NTAQ1: variants seen among roughly 807,000 people sequenced by gnomAD.
The protein encoded by NTAQ1 is protein N-terminal glutamine amidohydrolase.
Under a neutral mutation model 28.2 loss-of-function variants are expected in NTAQ1, and 21 were observed. The observed-to-expected ratio is 0.74, with a 90% CI of 0.53 to 1.07. NTAQ1 has a LOEUF of 1.07. NTAQ1 is among the 50% of genes least tolerant of loss of function. The probability of loss-of-function intolerance (pLI) is 0.00; values close to 1 mark genes in which losing one functional copy is unlikely to be tolerated. For synonymous variants in NTAQ1, 105 were observed against 90.0 expected (o/e 1.17, Z -0.94); for missense variants, 264 against 256.6 (o/e 1.03, Z -0.20).
intron 3 of NTAQ1, chr8:123,435,555 A>G (rs1159697703): frequency 4.1e-6 from 4 of 983,994 alleles, no homozygotes; most frequent in Admixed American, 6.2e-5. Context: ...ATGTCTTTAT[A>G]TACAGATAGC....
intron 6 of NTAQ1, among the ~76,000 whole-genome samples, chr8:123,458,506 T>C (rs1490619315): frequency 6.6e-6 from 1 of 152,068 alleles, no homozygotes; most frequent in Non-Finnish European, 1.5e-5. Flanking sequence ...TTCTGTGGCA[T>C]ATATGGCATT....
chr8:123,461,394 G>A (rs1815819396), intron 6 of NTAQ1, among the ~76,000 whole-genome samples: 1 of 152,068 alleles, frequency 6.6e-6, no homozygotes, highest in Non-Finnish European at 1.5e-5. Context: ...AACTTCTACC[G>A]AATTTCCTGT....
intron 1 of NTAQ1, among the ~76,000 whole-genome samples, chr8:123,425,823 C>T (rs1018637050): frequency 4.6e-5 from 7 of 151,944 alleles, no homozygotes; most frequent in Non-Finnish European, 1.0e-4. Flanking sequence ...CAGCCATGGC[C>T]AACATGTGAT....
chr8:123,426,580 G>A (rs1013840418), intron 1 of NTAQ1, among the ~76,000 whole-genome samples: 12 of 152,184 alleles, frequency 7.9e-5, no homozygotes, highest in African/African-American at 2.9e-4. Flanking sequence ...TCAGGAGGCT[G>A]AGGCTGGGAG....
chr8:123,452,831 C>T (rs1326784128), downstream of NTAQ1, among the ~76,000 whole-genome samples: 1 of 152,076 alleles, frequency 6.6e-6, no homozygotes, highest in Non-Finnish European at 1.5e-5. Context: ...TGCTTGAACC[C>T]GGGAGGTGGA....
At chr8:123,475,344 C>CT in the NTAQ1 span, among the ~76,000 whole-genome samples, 1 of 152,128 alleles carries the variant, frequency 6.6e-6, no homozygotes, top group Non-Finnish European at 1.5e-5. Flanking sequence ...CCAAAGAACT[C>CT]TGATTCCTTT....
At chr8:123,422,435 C>T (rs577641762) in intron 1 of NTAQ1, among the ~76,000 whole-genome samples, 3 of 151,760 alleles carry the variant, frequency 2.0e-5, no homozygotes, top group Non-Finnish European at 4.4e-5. Flanking sequence ...GCCAGCATGC[C>T]TGGTTAATTT....
downstream of NTAQ1, among the ~76,000 whole-genome samples, chr8:123,473,687 G>A (rs996159608): frequency 2.0e-5 from 3 of 152,118 alleles, no homozygotes; most frequent in African/African-American, 7.2e-5. Context: ...ACATTCCCAC[G>A]TAATTTTAGG....
intron 6 of NTAQ1, among the ~76,000 whole-genome samples, chr8:123,461,114 GA>G (rs2130424180): frequency 6.6e-6 from 1 of 152,314 alleles, no homozygotes; most frequent in East Asian, 1.9e-4. Flanking sequence ...GGGCAGGCGG[GA>G]AGCATGGAGT....
At chr8:123,465,003 A>C (rs1048817235) in intron 6 of NTAQ1, among the ~76,000 whole-genome samples, 21 of 152,106 alleles carry the variant, frequency 1.4e-4, no homozygotes, top group African/African-American at 3.4e-4. Flanking sequence ...ACACCACTGC[A>C]CTCCTGCCTG....
chr8:123,443,652 G>T (rs1291545769), downstream of NTAQ1, among the ~76,000 whole-genome samples: 1 of 152,098 alleles, frequency 6.6e-6, no homozygotes, highest in Non-Finnish European at 1.5e-5. Context: ...TCTGCTTACT[G>T]CAACCTCCAC....
chr8:123,459,939 T>A (rs1335600211), intron 6 of NTAQ1, among the ~76,000 whole-genome samples: 5 of 151,960 alleles, frequency 3.3e-5, no homozygotes, highest in African/African-American at 1.2e-4. Context: ...TAGCTGGGAT[T>A]ACAGGAATGC....
intron 1 of NTAQ1, among the ~76,000 whole-genome samples, 194 bp from the exon 2 acceptor site, chr8:123,427,727 AGGG>A (rs1197407654): frequency 6.6e-6 from 1 of 152,138 alleles, no homozygotes; most frequent in Non-Finnish European, 1.5e-5. Context: ...CTGTGTGGAG[AGGG>A]GTTTACACAC....
chr8:123,426,154 G>C (rs1390708123), intron 1 of NTAQ1, among the ~76,000 whole-genome samples: 1 of 152,208 alleles, frequency 6.6e-6, no homozygotes, highest in African/African-American at 2.4e-5. Flanking sequence ...CCCAACAGCT[G>C]AGCTGTGAGT....
At chr8:123,460,950 A>G (rs1815807073) in intron 6 of NTAQ1, among the ~76,000 whole-genome samples, 2 of 152,208 alleles carry the variant, frequency 1.3e-5, no homozygotes, top group Admixed American at 1.3e-4. Context: ...CACTTCTGTC[A>G]GGTACTCTGC....
intron 3 of NTAQ1, among the ~76,000 whole-genome samples, chr8:123,434,158 A>C (rs1814561737): frequency 6.6e-6 from 1 of 151,764 alleles, no homozygotes. Flanking sequence ...TCCTGCCTGC[A>C]TTGCTCTCCT....
At chr8:123,471,439 G>T (rs914509526), downstream of NTAQ1, among the ~76,000 whole-genome samples, 2 of 152,170 alleles carry the variant, frequency 1.3e-5, no homozygotes, top group Non-Finnish European at 2.9e-5. Flanking sequence ...TCTATAGATA[G>T]AAATAAATTT....
intron 6 of NTAQ1, among the ~76,000 whole-genome samples, chr8:123,461,654 T>C (rs3901852): frequency 0.18 from 27,722 of 152,150 alleles, 2,960 homozygotes; most frequent in Non-Finnish European, 0.25. Flanking sequence ...TATTAGACCA[T>C]AAACTCATAA....
At chr8:123,436,093 C>T (rs1485689182) in intron 3 of NTAQ1, among the ~76,000 whole-genome samples, 11 of 147,982 alleles carry the variant, frequency 7.4e-5, no homozygotes, top group African/African-American at 1.8e-4. Flanking sequence ...TGCTTGAACC[C>T]GGCAGGTGGA....
Sources: allele counts gnomAD v4.1 joint callset (sites outside exome capture counted in the v4.1 genomes callset), GRCh38; gene constraint gnomAD v4.1.1; transcripts MANE v1.5; gene names NCBI Gene and HGNC (gene_info 2026-07-23, HGNC 2026-07-21).